Variants in UBXN2B observed in about 807,000 individuals in gnomAD.
The protein encoded by UBXN2B is UBX domain-containing protein 2B.
UBXN2B carries 19 observed loss-of-function variants against 37.5 expected under a neutral mutation model. The ratio of observed to expected loss-of-function variants is 0.51; its 90% CI spans 0.35 to 0.74. The LOEUF is 0.74. UBXN2B is among the 30% of genes least tolerant of loss of function. The pLI, the probability that UBXN2B is intolerant of heterozygous loss-of-function variation, is 0.01. For synonymous variants in UBXN2B, 145 were observed against 143.8 expected, an observed-to-expected ratio of 1.01 and a Z score of -0.06; for missense variants, 370 against 393.2, an observed-to-expected ratio of 0.94 and a Z score of 0.50.
Position 58,439,698 on chromosome 8 carries a change from A to G in UBXN2B, c.599A>G (p.His200Arg), listed in dbSNP as rs745468618. ...GGQVNLDMED[H>R]QDQEYIKPRL... ...CAAGTGAATTTGGATATGGAGGATC[A>G]TCAGGATCAAGAATACATAAAACCT... The change falls in exon 6 of 8, where the codon CAT becomes CGT. Residue 200 changes from histidine to arginine, a missense_variant. Physicochemically the swap from His to Arg is conservative, Grantham distance 29. Transcript: ENST00000399598. 1.2e-6 allele frequency: 2 copies of G among 1,613,032 alleles called. No individual in the cohort carries two copies. The highest frequency in any genetic ancestry group is 2.7e-5 in the African/African-American group (2 of 74,888).
chr8:58,439,540 C>T, intron 5 of UBXN2B, 93 bp from the exon 6 acceptor site: 3 of 1,426,660 alleles, frequency 2.1e-6, no homozygotes, highest in East Asian at 2.5e-5. Context: ...TTCTGTTTTC[C>T]AGTGTAGCTC....
chr8:58,425,813 TCTC>T, intron 2 of UBXN2B: 1 of 1,169,566 alleles, frequency 8.6e-7, no homozygotes, highest in East Asian at 2.3e-5. Flanking sequence ...ATCATACCGT[TCTC>T]CTCCACCAAC....
At chr8:58,421,032 T>C (rs963347901) in intron 2 of UBXN2B, among the ~76,000 whole-genome samples, 23 of 152,352 alleles carry the variant, frequency 1.5e-4, no homozygotes, top group Admixed American at 1.4e-3. Context: ...TAAGTTTCCC[T>C]TATGGATACT....
In UBXN2B at chr8:58,446,779, A is replaced by ATTTTTTTTTTTTTTTTTTTT. The variant is rs869090698; in HGVS notation, c.834-593_834-574dup. Among the ~76,000 whole-genome samples, 54 of 17,402 alleles carry ATTTTTTTTTTTTTTTTTTTT rather than the reference A, an allele frequency of 3.1e-3. 23 individuals are homozygous for ATTTTTTTTTTTTTTTTTTTT. Among genetic ancestry groups the ATTTTTTTTTTTTTTTTTTTT allele is most frequent in the East Asian group, 4.0e-3 (2 of 496 alleles). The allele number at this position is 17,402 out of a possible 152,430, so 11.4% of individuals were successfully genotyped here. ...ATACTCCGAAAAAAGTACAACCTGCATTTTTTTTTTTTTTTTTTTTTTTTT... is the reference window on the plus strand; with the variant it reads ...ATACTCCGAAAAAAGTACAACCTGCATTTTTTTTTTTTTTTTTTTTTTTTTTTTTTTTTTTTTTTTTTTTT... On this transcript the variant is annotated intron_variant, in intron 7 of 7. Coordinates refer to ENST00000399598, the MANE Select transcript of UBXN2B (RefSeq NM_001077619.2).
At chr8:58,426,946 A>C (rs186358785) in intron 2 of UBXN2B, among the ~76,000 whole-genome samples, 1 of 152,208 alleles carries the variant, frequency 6.6e-6, no homozygotes, top group Admixed American at 6.5e-5. Context: ...AGTTATTTAA[A>C]CTCCTTCAGT....
chr8:58,424,987 C>T (rs1245903047), intron 2 of UBXN2B: 8 of 790,078 alleles, frequency 1.0e-5, no homozygotes, highest in African/African-American at 1.0e-4. Flanking sequence ...CCGGCCAATT[C>T]CAGCACTGCC....
chr8:58,415,562 A>G (rs575285702), intron 1 of UBXN2B, among the ~76,000 whole-genome samples: 3 of 152,208 alleles, frequency 2.0e-5, no homozygotes, highest in Admixed American at 2.0e-4. Context: ...CACTGATACA[A>G]TCATTACTAA....
chr8:58,442,041 T>C (rs1808563737), intron 6 of UBXN2B, among the ~76,000 whole-genome samples: 1 of 152,188 alleles, frequency 6.6e-6, no homozygotes, highest in African/African-American at 2.4e-5. Context: ...GACTAGATAC[T>C]AGAACATTCC....
chr8:58,422,200 GCCACA>G (rs1807945693), intron 2 of UBXN2B, among the ~76,000 whole-genome samples: 1 of 152,160 alleles, frequency 6.6e-6, no homozygotes, highest in African/African-American at 2.4e-5. Context: ...ATACCTTTAG[GCCACA>G]CCCGTGTTCT....
chr8:58,423,313 A>G (rs912522692), intron 2 of UBXN2B, among the ~76,000 whole-genome samples: 3 of 152,212 alleles, frequency 2.0e-5, no homozygotes, highest in African/African-American at 7.2e-5. Flanking sequence ...AGAGAAGCCC[A>G]GACATCCCAG....
intron 2 of UBXN2B, among the ~76,000 whole-genome samples, chr8:58,429,069 G>GT (rs1808180289): frequency 6.6e-6 from 1 of 152,114 alleles, no homozygotes; most frequent in Non-Finnish European, 1.5e-5. Flanking sequence ...AATAAAAACC[G>GT]TTAACCGTAA....
intron 1 of UBXN2B, among the ~76,000 whole-genome samples, 167 bp from the exon 2 acceptor site, chr8:58,416,683 T>C (rs1180497455): frequency 6.6e-6 from 1 of 152,218 alleles, no homozygotes; most frequent in African/African-American, 2.4e-5. Flanking sequence ...TTCTATATAA[T>C]GAGATGCAGT....
chr8:58,428,955 C>T (rs143162858), intron 2 of UBXN2B, among the ~76,000 whole-genome samples: 3 of 152,132 alleles, frequency 2.0e-5, no homozygotes, highest in South Asian at 2.1e-4. Flanking sequence ...CACCTATAAA[C>T]GTCAGTTCCA....
rs1228856467 is a variant in UBXN2B, at chr8:58,426,412, G to A, written c.189-4107G>A. On this transcript the variant is annotated intron_variant, in intron 2 of 7. Transcript: ENST00000399598. ...TTTAGTAGAGACGGGGTTTCACCAT[G>A]TTAGCCAGGATGGTCTCAATCTCCT... 9.5e-5 allele frequency: 54 copies of A among 566,642 alleles called. 3 individuals are homozygous for A. Among genetic ancestry groups the A allele is most frequent in the South Asian group, 8.6e-4 (50 of 58,088 alleles). The allele number at this position is 566,642 out of a possible 1,614,324, so 35.1% of individuals were successfully genotyped here.
chr8:58,438,156 C>A (rs762954128), intron 5 of UBXN2B, among the ~76,000 whole-genome samples: 1 of 152,208 alleles, frequency 6.6e-6, no homozygotes, highest in Non-Finnish European at 1.5e-5. Context: ...CTACTGTAAG[C>A]CTTGGTGGCT....
intron 6 of UBXN2B, among the ~76,000 whole-genome samples, chr8:58,441,348 C>CGTGTATATATATATATATATACATAT (rs1242681481): frequency 9.6e-6 from 1 of 104,660 alleles, no homozygotes; most frequent in African/African-American, 4.0e-5. Flanking sequence ...TTGTGATCAA[C>CGTGTATATATATATATATATACATAT]ATATATATAT....
In UBXN2B at chr8:58,441,348, CATATAT is replaced by C. The variant is rs33952664; in HGVS notation, c.671+1593_671+1598del. 2.7e-3 allele frequency among the ~76,000 whole-genome samples: 284 copies of C among 104,658 alleles called. 15 individuals are homozygous for C. Among genetic ancestry groups the C allele is most frequent in the African/African-American group, 0.01 (253 of 25,016 alleles). The allele number at this position is 104,658 out of a possible 152,430, so 68.7% of individuals were successfully genotyped here. On this transcript the variant is annotated intron_variant, in intron 6 of 7. Transcript: ENST00000399598. ...TTTTTACTCCTCTTGTTGTGATCAA[CATATAT>C]ATATATATATATATGTATGTGTATA...
intron 2 of UBXN2B, chr8:58,424,752 A>G (rs1808033217): frequency 2.1e-6 from 3 of 1,420,820 alleles, no homozygotes; most frequent in African/African-American, 1.4e-5. Flanking sequence ...TTGTATATTC[A>G]TGACCTTTCC....
chr8:58,428,309 C>A (rs1013448085), intron 2 of UBXN2B, among the ~76,000 whole-genome samples: 1 of 152,138 alleles, frequency 6.6e-6, no homozygotes, highest in African/African-American at 2.4e-5. Flanking sequence ...AGTGGGTAAC[C>A]CCTATCACAA....
Sources: allele counts gnomAD v4.1 joint callset (sites outside exome capture counted in the v4.1 genomes callset), GRCh38; gene constraint gnomAD v4.1.1; transcripts MANE v1.5; gene names NCBI Gene and HGNC (gene_info 2026-07-23, HGNC 2026-07-21).